The following PDGFRL variants were observed in gnomAD, a reference collection of about 807,000 sequenced individuals.
The protein encoded by PDGFRL is platelet-derived growth factor receptor-like protein.
Under a neutral mutation model 37.2 loss-of-function variants are expected in PDGFRL, and 46 were observed. The observed-to-expected ratio is 1.24, with a 90% CI of 0.98 to 1.58. PDGFRL has a LOEUF of 1.58. Among genes scored for constraint, PDGFRL ranks in the 40% most tolerant of loss-of-function variants. The pLI, the probability that PDGFRL is intolerant of heterozygous loss-of-function variation, is 0.00. For missense variants in PDGFRL, 692 were observed against 467.6 expected (o/e 1.48, Z -4.43); for synonymous variants, 251 against 184.3 (o/e 1.36, Z -2.93).
chr8:17,604,710 A>T (rs1049604105), intron 2 of PDGFRL, among the ~76,000 whole-genome samples: 1 of 152,232 alleles, frequency 6.6e-6, no homozygotes, highest in Non-Finnish European at 1.5e-5. Context: ...CGTCATGCAC[A>T]TGTACTCTAA....
chr8:17,622,293 C>T (rs1041320588), intron 3 of PDGFRL, among the ~76,000 whole-genome samples: 8 of 152,216 alleles, frequency 5.3e-5, no homozygotes, highest in African/African-American at 7.2e-5. Context: ...AAGCCACCCT[C>T]GTCCTATTGT....
At chr8:17,590,736 G>A (rs2427708) in intron 2 of PDGFRL, among the ~76,000 whole-genome samples, 86,458 of 151,700 alleles carry the variant, frequency 0.57, 26,431 homozygotes, top group East Asian at 0.77. Context: ...AAATCATACC[G>A]TGAAAGTTAA....
chr8:17,596,577 A>G (rs955345658), intron 2 of PDGFRL, among the ~76,000 whole-genome samples: 1 of 152,260 alleles, frequency 6.6e-6, no homozygotes, highest in Non-Finnish European at 1.5e-5. Flanking sequence ...TATCTAAATT[A>G]TATATTAAAA....
intron 2 of PDGFRL, among the ~76,000 whole-genome samples, chr8:17,605,277 C>T (rs1210873579): frequency 6.6e-6 from 1 of 152,208 alleles, no homozygotes; most frequent in African/African-American, 2.4e-5. Flanking sequence ...CAGTTGCCTC[C>T]ATCCTTCCTC....
chr8:17,622,261 A>C (rs921068716), intron 3 of PDGFRL, among the ~76,000 whole-genome samples: 2 of 152,244 alleles, frequency 1.3e-5, no homozygotes, highest in African/African-American at 4.8e-5. Flanking sequence ...AGAAGTCAGT[A>C]AGAGCTTTCA....
chr8:17,589,158 A>T (rs1209381396), intron 1 of PDGFRL, among the ~76,000 whole-genome samples: 1 of 152,252 alleles, frequency 6.6e-6, no homozygotes, highest in Admixed American at 6.5e-5. Flanking sequence ...CAGGTGGATC[A>T]CCTGAGGTCA....
chr8:17,579,257 C>T (rs1437519229), intron 1 of PDGFRL, among the ~76,000 whole-genome samples: 1 of 152,122 alleles, frequency 6.6e-6, no homozygotes, highest in Admixed American at 6.5e-5. Context: ...TTTATGGATA[C>T]AATAGTGAAC....
intron 2 of PDGFRL, among the ~76,000 whole-genome samples, chr8:17,595,676 G>C (rs989066997): frequency 6.6e-6 from 1 of 152,190 alleles, no homozygotes; most frequent in Non-Finnish European, 1.5e-5. Context: ...CCTACTACCC[G>C]CCCCTTTTTC....
chr8:17,605,000 G>C (rs2588128), intron 2 of PDGFRL, among the ~76,000 whole-genome samples: 118,605 of 151,924 alleles, frequency 0.78, 47,443 homozygotes, highest in East Asian at 0.94. Context: ...GCCTATAGTC[G>C]TAGCTACCTG....
Position 17,589,687 on chromosome 8 carries a change from T to C in PDGFRL, c.275T>C (p.Val92Ala), listed in dbSNP as rs377710435. Residue 92 changes from valine to alanine, a missense_variant, in exon 2 of 6, where the codon GTA becomes GCA. Physicochemically the swap from Val to Ala is moderately conservative, Grantham distance 64. Transcript: ENST00000251630. ...ATLSLLAGQT[V>A]ELRCKGSRIG... ...CTGAGTCTGCTGGCGGGGCAAACTGTAGAGCTTCGATGTAAAGGGAGTAGA... is the reference window on the plus strand; with the variant it reads ...CTGAGTCTGCTGGCGGGGCAAACTGCAGAGCTTCGATGTAAAGGGAGTAGA... 2 of 1,613,478 alleles carry C rather than the reference T, an allele frequency of 1.2e-6. No individual in the cohort carries two copies. Among genetic ancestry groups the C allele is most frequent in the South Asian group, 1.1e-5 (1 of 91,058 alleles).
chr8:17,624,181 G>T (rs1804689635), intron 3 of PDGFRL, among the ~76,000 whole-genome samples: 2 of 152,126 alleles, frequency 1.3e-5, no homozygotes, highest in Non-Finnish European at 2.9e-5. Context: ...AGAAGCTGAG[G>T]TTCTCACTGC....
At chr8:17,597,219 G>A (rs1261271063) in intron 2 of PDGFRL, among the ~76,000 whole-genome samples, 1 of 152,078 alleles carries the variant, frequency 6.6e-6, no homozygotes, top group African/African-American at 2.4e-5. Flanking sequence ...CTGGCTTTCG[G>A]TAAGTTGGCC....
Position 17,619,997 on chromosome 8 carries a change from C to T in PDGFRL, c.354-1054C>T, listed in dbSNP as rs1804599768. Among the ~76,000 whole-genome samples, 2 of 152,172 alleles carry T rather than the reference C, an allele frequency of 1.3e-5. 1 individual carries two copies. The highest frequency in any genetic ancestry group is 4.1e-4 in the South Asian group (2 of 4,830). ...TATTTTTTAGAGACAGGGTCTTGCT[C>T]TGTCACCCAGGCTGGAGTGCAGTGG... is the stretch of plus-strand genomic sequence containing the variant. On this transcript the variant is annotated intron_variant, in intron 2 of 5. Transcript: ENST00000251630.
chr8:17,606,286 T>A (rs868680404), intron 2 of PDGFRL, among the ~76,000 whole-genome samples: 5 of 152,196 alleles, frequency 3.3e-5, no homozygotes, highest in Admixed American at 6.5e-5. Flanking sequence ...TGCATTCATA[T>A]CATTATGTGA....
At chr8:17,632,982 C>T (rs1321727429) in intron 4 of PDGFRL, among the ~76,000 whole-genome samples, 2 of 152,188 alleles carry the variant, frequency 1.3e-5, no homozygotes, top group African/African-American at 4.8e-5. Flanking sequence ...CTCTGGGCTT[C>T]TGCTTCATAG....
At chr8:17,584,244 A>C (rs1161598757) in intron 1 of PDGFRL, among the ~76,000 whole-genome samples, 1 of 152,198 alleles carries the variant, frequency 6.6e-6, no homozygotes, top group Non-Finnish European at 1.5e-5. Context: ...TAAAGGGAGC[A>C]TCAGGAAGGA....
At chr8:17,627,454 G>T (rs150201745) in intron 3 of PDGFRL, among the ~76,000 whole-genome samples, 164 of 144,272 alleles carry the variant, frequency 1.1e-3, no homozygotes, top group African/African-American at 3.9e-3. Flanking sequence ...TTTGTTGATG[G>T]AAGCTACCGA....
chr8:17,601,269 C>T (rs1351105645), intron 2 of PDGFRL, among the ~76,000 whole-genome samples: 3 of 152,180 alleles, frequency 2.0e-5, no homozygotes, highest in Non-Finnish European at 1.5e-5. Flanking sequence ...ACACCCAGCA[C>T]AGTCTCCAGC....
chr8:17,600,811 AAAAC>A (rs1460173295), intron 2 of PDGFRL, among the ~76,000 whole-genome samples: 3 of 139,282 alleles, frequency 2.2e-5, no homozygotes, highest in African/African-American at 8.6e-5. Flanking sequence ...CTAAAAAAAA[AAAAC>A]AAAAAAACCT....
Sources: allele counts gnomAD v4.1 joint callset (sites outside exome capture counted in the v4.1 genomes callset), GRCh38; gene constraint gnomAD v4.1.1; transcripts MANE v1.5; gene names NCBI Gene and HGNC (gene_info 2026-07-23, HGNC 2026-07-21).